TOP2B: variants seen among roughly 807,000 people sequenced by gnomAD.
TOP2B encodes DNA topoisomerase 2-beta.
A neutral mutation model predicts 193.5 loss-of-function variants in TOP2B; 51 were observed. That is an observed-to-expected ratio of 0.26 (90% CI 0.21 to 0.33). The LOEUF is 0.33. TOP2B is among the 10% of genes least tolerant of loss of function. The probability of loss-of-function intolerance (pLI) is 1.00; values close to 1 mark genes in which losing one functional copy is unlikely to be tolerated. For synonymous variants in TOP2B, 634 were observed against 635.7 expected, an observed-to-expected ratio of 1.00 and a Z score of 0.04; for missense variants, 1,378 against 1,909.3, an observed-to-expected ratio of 0.72 and a Z score of 5.19.
At chr3:25,660,733 AG>A (rs1296993028) in intron 1 of TOP2B, among the ~76,000 whole-genome samples, 1 of 152,216 alleles carries the variant, frequency 6.6e-6, no homozygotes, top group Non-Finnish European at 1.5e-5. Context: ...CACTAAAGCA[AG>A]GTTCTTAAAA....
Position 25,626,679 on chromosome 3 carries a change from G to T in TOP2B, c.2110-5C>A. 6.6e-7 allele frequency: 1 copy of T among 1,514,294 alleles called. No homozygotes were observed. 93.8% of individuals were successfully genotyped at this position (1,514,294 alleles called of 1,614,324 possible). A position where few individuals can be genotyped will look rare whatever the true frequency, so the allele number is the denominator to read the frequency against. ...TGCAGTACCATATAAAAATTGCTAA[G>T]AGAAAAGTTATATAGCAATATTATC... is the stretch of plus-strand genomic sequence containing the variant. On this transcript the variant is annotated splice_region_variant and splice_polypyrimidine_tract_variant and intron_variant, in intron 17 of 35. Transcript: ENST00000264331.
At position 25,615,279 on chromosome 3, in the gene TOP2B, C is replaced by A. The variant is rs1375163082; in HGVS notation, c.3517G>T (p.Val1173Phe). The A allele has an allele frequency of 6.2e-7, 1 of 1,609,566 alleles. No homozygotes were observed. The highest frequency in any genetic ancestry group is 1.1e-5 in the South Asian group (1 of 90,050). ...IKQRDAKGREVNDLKRKSPSD... is the reference protein window; with the variant it reads ...IKQRDAKGREFNDLKRKSPSD... ...GGAGATTTTCTTTTAAGATCATTGACCTCTCGCCCCTATAATAAAAAAGTA... is the reference window on the plus strand; with the variant it reads ...GGAGATTTTCTTTTAAGATCATTGAACTCTCGCCCCTATAATAAAAAAGTA... Residue 1173 changes from valine to phenylalanine, a missense_variant, in exon 27 of 36, where the codon GTC becomes TTC. By Grantham distance (50) the Val-to-Phe change is conservative. Coordinates refer to ENST00000264331, the MANE Select transcript of TOP2B (RefSeq NM_001330700.2).
intron 1 of TOP2B, among the ~76,000 whole-genome samples, chr3:25,655,727 C>T (rs1703723901): frequency 6.6e-6 from 1 of 152,132 alleles, no homozygotes; most frequent in Admixed American, 6.5e-5. Context: ...TTGTCATGTG[C>T]TATAACATGG....
intron 23 of TOP2B, 64 bp downstream of exon 23, chr3:25,619,798 A>T: frequency 1.6e-6 from 2 of 1,276,756 alleles, no homozygotes; most frequent in Non-Finnish European, 2.2e-6. Flanking sequence ...CATGAAACCA[A>T]TTATAATAAT....
At position 25,615,578 on chromosome 3, in the gene TOP2B, T is replaced by A; in HGVS notation, c.3360A>T (p.Glu1120Asp). ...CATGCTGGTTTTGTGTTTCATCCTC[T>A]TCTGCTGCCTGTAAAAAATAACAAA... ...AWKEAQEKAA[E>D]EDETQNQHDD... Residue 1120 changes from glutamate to aspartate, a missense_variant, in exon 26 of 36, where the codon GAA becomes GAT. By Grantham distance (45) the Glu-to-Asp change is conservative. Coordinates refer to ENST00000264331, the MANE Select transcript of TOP2B (RefSeq NM_001330700.2). 6.5e-7 allele frequency: 1 copy of A among 1,537,956 alleles called. No homozygotes were observed. The highest frequency in any genetic ancestry group is 8.7e-7 in the Non-Finnish European group (1 of 1,145,962).
chr3:25,662,242 A>G (rs539764987), intron 1 of TOP2B, among the ~76,000 whole-genome samples: 2 of 152,278 alleles, frequency 1.3e-5, no homozygotes, highest in African/African-American at 4.8e-5. Flanking sequence ...GTCCAACTAA[A>G]TGTGTTGGAG....
At chr3:25,608,067 G>A (rs567566381) in intron 30 of TOP2B, among the ~76,000 whole-genome samples, 1 of 152,294 alleles carries the variant, frequency 6.6e-6, no homozygotes, top group African/African-American at 2.4e-5. Flanking sequence ...TTACAGGCGT[G>A]AGCCACTGTA....
chr3:25,635,241 T>C (rs1703073116), intron 7 of TOP2B, among the ~76,000 whole-genome samples: 1 of 152,120 alleles, frequency 6.6e-6, no homozygotes, highest in Admixed American at 6.6e-5. Flanking sequence ...ACAGCCCATC[T>C]CCTGGGTAAA....
intron 23 of TOP2B, among the ~76,000 whole-genome samples, chr3:25,619,661 A>T (rs1372791443): frequency 6.6e-6 from 1 of 150,992 alleles, no homozygotes; most frequent in Non-Finnish European, 1.5e-5. Context: ...ATAAACACAG[A>T]GTTGAGAATA....
chr3:25,607,529 C>G (rs1040793803), intron 30 of TOP2B, among the ~76,000 whole-genome samples, 154 bp from the exon 31 acceptor site: 11 of 152,180 alleles, frequency 7.2e-5, no homozygotes, highest in Non-Finnish European at 1.6e-4. Context: ...AAGCCAACAA[C>G]TTTGGCCTTA....
At chr3:25,611,752 G>A (rs557071758) in intron 28 of TOP2B, among the ~76,000 whole-genome samples, 1 of 151,818 alleles carries the variant, frequency 6.6e-6, no homozygotes, top group Non-Finnish European at 1.5e-5. Context: ...GTAGTTTAAG[G>A]ACAAACACAA....
At chr3:25,653,787 C>A (rs1185022736) in intron 1 of TOP2B, among the ~76,000 whole-genome samples, 2 of 152,160 alleles carry the variant, frequency 1.3e-5, no homozygotes, top group Non-Finnish European at 2.9e-5. Context: ...ACTTGAAATG[C>A]AAGGATGTTT....
chr3:25,627,768 G>GA (rs1198705997), intron 15 of TOP2B, among the ~76,000 whole-genome samples: 1 of 151,826 alleles, frequency 6.6e-6, no homozygotes, highest in Non-Finnish European at 1.5e-5. Context: ...CCTGACTTTG[G>GA]AAAAAAACAA....
intron 1 of TOP2B, among the ~76,000 whole-genome samples, chr3:25,648,643 G>GC (rs1703482113): frequency 6.6e-6 from 1 of 152,134 alleles, no homozygotes; most frequent in Non-Finnish European, 1.5e-5. Flanking sequence ...GATCCCTTGA[G>GC]CCCAGAGCTC....
intron 4 of TOP2B, among the ~76,000 whole-genome samples, chr3:25,639,595 C>T (rs1182066367): frequency 2.0e-5 from 3 of 152,224 alleles, no homozygotes; most frequent in African/African-American, 7.2e-5. Flanking sequence ...CGTGAGCCAC[C>T]GCGCCCAGCC....
chr3:25,604,609 G>A (rs1177425285), intron 33 of TOP2B, 151 bp downstream of exon 33: 13 of 590,762 alleles, frequency 2.2e-5, no homozygotes, highest in Non-Finnish European at 3.4e-5. Flanking sequence ...GCCCTCAGAT[G>A]GCTAGAAAAC....
intron 1 of TOP2B, among the ~76,000 whole-genome samples, chr3:25,653,842 T>C (rs904542612): frequency 2.6e-5 from 4 of 152,050 alleles, no homozygotes; most frequent in African/African-American, 4.8e-5. Context: ...ATTAACAAAA[T>C]GAAGGGCAAA....
intron 34 of TOP2B, among the ~76,000 whole-genome samples, chr3:25,600,295 G>C (rs1388609432): frequency 2.0e-5 from 3 of 152,172 alleles, no homozygotes; most frequent in African/African-American, 7.2e-5. Context: ...TCCCTTGACA[G>C]CTAGACTGGA....
Position 25,615,195 on chromosome 3 carries a change from C to T in TOP2B, c.3591+10G>A. ...TTTTCCAAATAAATTTTAATAGAGA[C>T]TTAACCTACATCCAGTTCTTCAACA... On this transcript the variant is annotated intron_variant, in intron 27 of 35. Transcript: ENST00000264331. 2 of 1,603,366 alleles carry T rather than the reference C, an allele frequency of 1.2e-6. No individual in the cohort carries two copies. Among genetic ancestry groups the T allele is most frequent in the Non-Finnish European group, 1.7e-6 (2 of 1,175,146 alleles).
Sources: allele counts gnomAD v4.1 joint callset (sites outside exome capture counted in the v4.1 genomes callset), GRCh38; gene constraint gnomAD v4.1.1; transcripts MANE v1.5; gene names NCBI Gene and HGNC (gene_info 2026-07-23, HGNC 2026-07-21).